ARHGAP6: variants seen among roughly 807,000 people sequenced by gnomAD.
The protein encoded by ARHGAP6 is Rho GTPase activating protein 6.
ARHGAP6 carries 16 observed loss-of-function variants against 55.7 expected under a neutral mutation model. The observed-to-expected ratio is 0.29, with a 90% CI of 0.19 to 0.44. The LOEUF (loss-of-function observed/expected upper bound fraction) is 0.44, where lower values mean the gene tolerates loss of function less well. ARHGAP6 is among the 20% of genes least tolerant of loss of function. The probability of loss-of-function intolerance (pLI) is 1.00; values close to 1 mark genes in which losing one functional copy is unlikely to be tolerated. For missense variants in ARHGAP6, 698 were observed against 808.9 expected (o/e 0.86, Z 1.66); for synonymous variants, 382 against 360.9 (o/e 1.06, Z -0.66).
intron 1 of ARHGAP6, among the ~76,000 whole-genome samples, chrX:11,502,406 G>T (rs1001881071): frequency 8.9e-6 from 1 of 112,559 alleles, no homozygotes; most frequent in Admixed American, 9.4e-5. Flanking sequence ...TTCTTGATCT[G>T]ATGATAGTCA....
intron 1 of ARHGAP6, among the ~76,000 whole-genome samples, chrX:11,321,823 T>C (rs749724615): frequency 8.9e-6 from 1 of 112,273 alleles, no homozygotes; most frequent in South Asian, 3.7e-4. Context: ...AATATACACC[T>C]ACTATGTACC....
intron 1 of ARHGAP6, among the ~76,000 whole-genome samples, chrX:11,653,104 G>A: frequency 8.9e-6 from 1 of 111,974 alleles, no homozygotes; most frequent in Middle Eastern, 4.6e-3. Context: ...AACACACCTG[G>A]CTTGAAATGA....
chrX:11,522,271 C>T (rs1201912732), intron 1 of ARHGAP6, among the ~76,000 whole-genome samples: 9 of 110,654 alleles, frequency 8.1e-5, no homozygotes, highest in Non-Finnish European at 1.7e-4. Flanking sequence ...TAAATGCCCA[C>T]AAGAGAAAGC....
chrX:11,426,169 T>C (rs1363652856), intron 1 of ARHGAP6, among the ~76,000 whole-genome samples: 2 of 111,433 alleles, frequency 1.8e-5, no homozygotes, highest in Non-Finnish European at 3.8e-5. Flanking sequence ...GAAGGTATCT[T>C]AACAATTTCC....
chrX:11,457,073 C>T (rs1476852752), intron 1 of ARHGAP6, among the ~76,000 whole-genome samples: 1 of 111,468 alleles, frequency 9.0e-6, no homozygotes, highest in Non-Finnish European at 1.9e-5. Flanking sequence ...CAGCTGGAAC[C>T]CTGTGCATAT....
intron 1 of ARHGAP6, among the ~76,000 whole-genome samples, chrX:11,553,844 A>G (rs981595884): frequency 2.7e-5 from 3 of 111,942 alleles, no homozygotes; most frequent in East Asian, 5.6e-4. Flanking sequence ...TAACTAGTCA[A>G]ACTCCTTTGG....
intron 1 of ARHGAP6, among the ~76,000 whole-genome samples, chrX:11,315,478 G>C (rs940543855): frequency 9.8e-5 from 11 of 111,918 alleles, no homozygotes; most frequent in Admixed American, 3.8e-4. Context: ...CCATGGACTG[G>C]TACTGGTCTG....
At chrX:11,590,734 C>G (rs1191393072) in intron 1 of ARHGAP6, among the ~76,000 whole-genome samples, 1 of 96,573 alleles carries the variant, frequency 1.0e-5, no homozygotes, top group African/African-American at 3.9e-5. Context: ...GCAGTGAGCA[C>G]CAATGCACTC....
chrX:11,603,925 G>T (rs969545619), intron 1 of ARHGAP6, among the ~76,000 whole-genome samples: 3 of 112,030 alleles, frequency 2.7e-5, no homozygotes, highest in African/African-American at 9.7e-5. Context: ...ACAGCTCTGT[G>T]TCCAGCAGTA....
At chrX:11,640,406 C>T (rs1282242277) in intron 1 of ARHGAP6, among the ~76,000 whole-genome samples, 1 of 111,918 alleles carries the variant, frequency 8.9e-6, no homozygotes, top group Non-Finnish European at 1.9e-5. Context: ...CAGCCTAACT[C>T]TGTTTCTTTG....
At chrX:11,255,384 C>T (rs1366074153) in intron 1 of ARHGAP6, among the ~76,000 whole-genome samples, 1 of 109,401 alleles carries the variant, frequency 9.1e-6, no homozygotes, top group African/African-American at 3.3e-5. Context: ...TTTTACCTAT[C>T]TCATGTAAAA....
At chrX:11,630,782 A>G (rs2052351963) in intron 1 of ARHGAP6, among the ~76,000 whole-genome samples, 3 of 112,354 alleles carry the variant, frequency 2.7e-5, no homozygotes, top group African/African-American at 9.7e-5. Flanking sequence ...CAATAAGACA[A>G]AATACTCTGA....
chrX:11,532,713 T>C (rs2051064534), intron 1 of ARHGAP6, among the ~76,000 whole-genome samples: 1 of 112,502 alleles, frequency 8.9e-6, no homozygotes, highest in Non-Finnish European at 1.9e-5. Context: ...TAAACTTTTA[T>C]TGGAATACAG....
chrX:11,563,035 T>C lies in ARHGAP6; in HGVS notation c.588+101206A>G, dbSNP rs762398377. ...TCTGCTTTGGGGAGAAAACCCACAA[T>C]AAATAAAAGTTTTTTTAAAAGAGAC... On this transcript the variant is annotated intron_variant, in intron 1 of 12. Coordinates refer to ENST00000337414, the MANE Select transcript of ARHGAP6 (RefSeq NM_013427.3). Among the ~76,000 whole-genome samples, 8 of 111,663 alleles carry C rather than the reference T, an allele frequency of 7.2e-5. No homozygotes were observed. In the East Asian group the frequency reaches 1.4e-3, roughly 19 times the overall value.
chrX:11,290,047 C>T (rs960140633), intron 1 of ARHGAP6, among the ~76,000 whole-genome samples: 1 of 111,824 alleles, frequency 8.9e-6, no homozygotes, highest in African/African-American at 3.3e-5. Flanking sequence ...ATAATTTGAA[C>T]TAAGAGGTCA....
chrX:11,494,636 C>A (rs370447658), intron 1 of ARHGAP6, among the ~76,000 whole-genome samples: 1 of 112,148 alleles, frequency 8.9e-6, no homozygotes, highest in South Asian at 3.7e-4. Flanking sequence ...GCTAGGTTGA[C>A]TGGAAGTAAG....
chrX:11,296,379 G>A (rs1402403617), intron 1 of ARHGAP6, among the ~76,000 whole-genome samples: 1 of 111,829 alleles, frequency 8.9e-6, no homozygotes, highest in Non-Finnish European at 1.9e-5. Context: ...CCCATTATGG[G>A]GTGAGTTTTA....
At chrX:11,140,436 T>A (rs562101623) in intron 12 of ARHGAP6, among the ~76,000 whole-genome samples, 12 of 93,697 alleles carry the variant, frequency 1.3e-4, no homozygotes, top group Non-Finnish European at 1.7e-4. Context: ...AAAAAAAAAT[T>A]AAAAAAAAAA....
At position 11,585,912 on chromosome X, in the gene ARHGAP6, C is replaced by G. The variant is rs112303557; in HGVS notation, c.588+78329G>C. Among the ~76,000 whole-genome samples the G allele has an allele frequency of 7.4e-3, 828 of 111,168 alleles. 10 individuals carry two copies. The highest frequency in any genetic ancestry group is 0.026 in the African/African-American group (786 of 30,576). ...ATTGTCAGAGCCTATATGTCCAGAG[C>G]AACAGGAAGTGGGAATAAGGTACTA... On this transcript the variant is annotated intron_variant, in intron 1 of 12. Coordinates refer to ENST00000337414, the MANE Select transcript of ARHGAP6 (RefSeq NM_013427.3).
Sources: gnomAD v4.1 joint callset for allele counts (sites outside exome capture counted in the v4.1 genomes callset) on GRCh38, gnomAD v4.1.1 for gene constraint, MANE v1.5 for transcripts, NCBI Gene and HGNC (gene_info 2026-07-23, HGNC 2026-07-21) for gene names.